ALDH7A1: variants seen among roughly 807,000 people sequenced by gnomAD.
The protein encoded by ALDH7A1 is alpha-aminoadipic semialdehyde dehydrogenase.
In ALDH7A1, 63 loss-of-function variants were observed where a neutral mutation model predicts 79.9. That is an observed-to-expected ratio of 0.79 (90% CI 0.64 to 0.97). The LOEUF (loss-of-function observed/expected upper bound fraction) is 0.97. Among genes scored for constraint, ALDH7A1 ranks in the 50% least tolerant of loss-of-function variants. The pLI is 0.00. For missense variants in ALDH7A1, 627 were observed against 665.2 expected, an observed-to-expected ratio of 0.94 and a Z score of 0.63; for synonymous variants, 240 against 231.2, an observed-to-expected ratio of 1.04 and a Z score of -0.34.
At chr5:126,553,151 A>T (rs1750062746) in intron 13 of ALDH7A1, among the ~76,000 whole-genome samples, 1 of 152,212 alleles carries the variant, frequency 6.6e-6, no homozygotes, top group African/African-American at 2.4e-5. Context: ...CTGAATACAA[A>T]GTCTCCTACT....
intron 16 of ALDH7A1, 55 bp from the exon 17 acceptor site, chr5:126,546,454 T>C (rs1271888171): frequency 3.9e-5 from 60 of 1,521,432 alleles, no homozygotes; most frequent in East Asian, 6.8e-5. Flanking sequence ...TGTGGGCTCA[T>C]AGTTGGTATC....
At chr5:126,547,315 A>G (rs1392300503) in intron 16 of ALDH7A1, among the ~76,000 whole-genome samples, 1 of 152,232 alleles carries the variant, frequency 6.6e-6, no homozygotes, top group East Asian at 1.9e-4. Flanking sequence ...CAAGGTGGGC[A>G]GGGAGGGAGT....
At chr5:126,591,464 AC>A (rs1751552190) in intron 3 of ALDH7A1, among the ~76,000 whole-genome samples, 1 of 150,662 alleles carries the variant, frequency 6.6e-6, no homozygotes, top group Non-Finnish European at 1.5e-5. Flanking sequence ...ACCCCACCCA[AC>A]CCCCCTTGCA....
At chr5:126,577,380 GTTA>G (rs1751013564) in intron 5 of ALDH7A1, among the ~76,000 whole-genome samples, 169 bp from the exon 6 acceptor site, 1 of 152,256 alleles carries the variant, frequency 6.6e-6, no homozygotes, top group South Asian at 2.1e-4. Flanking sequence ...AACAAAAGTG[GTTA>G]TTACCACACT....
intron 16 of ALDH7A1, among the ~76,000 whole-genome samples, chr5:126,547,132 C>T (rs1749810986): frequency 1.3e-5 from 2 of 152,142 alleles, no homozygotes. Flanking sequence ...CGCAGAGGCT[C>T]TAAGGAACCA....
rs550118658 is a variant in ALDH7A1, at chr5:126,589,039, T to TA, written c.312+3624dup. The TA allele has an allele frequency of 2.3e-3, 335 of 143,896 alleles. 1 individual carries two copies. The highest frequency in any genetic ancestry group is 6.8e-3 in the Middle Eastern group (2 of 292). The allele number at this position is 143,896 out of a possible 1,614,324, so 8.9% of individuals were successfully genotyped here. A position where few individuals can be genotyped will look rare whatever the true frequency, so the allele number is the denominator to read the frequency against. ...TACACTAGCCTGGGCGACTCTGTCT[T>TA]AAAAAAAAAAAAGAAGAAAAGGAAA... On this transcript the variant is annotated intron_variant, in intron 3 of 17. Transcript: ENST00000409134.
In ALDH7A1 at chr5:126,551,054, C is replaced by T. The variant is rs1330575865; in HGVS notation, c.1318-761G>A. 5.9e-5 allele frequency among the ~76,000 whole-genome samples: 9 copies of T among 152,088 alleles called. No individual in the cohort carries two copies. The East Asian group carries it at 9.7e-4, about 16-fold the overall frequency. ...AGGATCTCTTCCCACCTCAGCCTCC[C>T]GAGTAGCTAGGACTATAGGTACATA... On this transcript the variant is annotated intron_variant, in intron 14 of 17. Transcript: ENST00000409134.
chr5:126,592,197 T>C (rs13185811), intron 3 of ALDH7A1: 1 of 172,594 alleles, frequency 5.8e-6, no homozygotes, highest in Non-Finnish European at 1.2e-5. Context: ...CCTGAAGTGG[T>C]GGGATCACAA....
At chr5:126,563,241 T>G (rs1281597097) in intron 9 of ALDH7A1, among the ~76,000 whole-genome samples, 1 of 152,232 alleles carries the variant, frequency 6.6e-6, no homozygotes, top group Non-Finnish European at 1.5e-5. Flanking sequence ...CTTTCCTCTG[T>G]GCATTTATAT....
chr5:126,592,598 G>A lies in ALDH7A1; in HGVS notation c.312+66C>T, dbSNP rs1021408755. On this transcript the variant is annotated intron_variant, in intron 3 of 17. Transcript: ENST00000409134. ...ACTGACCTGCTTATCAGATGTTTAT[G>A]TATCTCATTGGTTACAATAGGCAAA... 7.4e-6 allele frequency: 11 copies of A among 1,493,836 alleles called. No individual in the cohort carries two copies. The Admixed American group carries it at 1.0e-4, about 14-fold the overall frequency. 92.5% of individuals were successfully genotyped at this position (1,493,836 alleles called of 1,614,324 possible).
intron 13 of ALDH7A1, among the ~76,000 whole-genome samples, chr5:126,553,074 T>A (rs2112757668): frequency 6.8e-6 from 1 of 146,886 alleles, no homozygotes; most frequent in South Asian, 2.1e-4. Flanking sequence ...ATGCTTATGA[T>A]ATGTATTTTT....
chr5:126,547,465 C>T (rs1480216184), intron 16 of ALDH7A1, among the ~76,000 whole-genome samples: 1 of 152,204 alleles, frequency 6.6e-6, no homozygotes, highest in Non-Finnish European at 1.5e-5. Flanking sequence ...GAGCTGGTAC[C>T]CCACTGCCCT....
intron 7 of ALDH7A1, among the ~76,000 whole-genome samples, chr5:126,573,116 C>CAAAAAAA (rs11290126): frequency 9.5e-5 from 9 of 95,196 alleles, no homozygotes; most frequent in Non-Finnish European, 1.9e-4. Context: ...CCATTTAAAG[C>CAAAAAAA]AAAAAAAAAA....
chr5:126,577,313 C>G (rs902859491), intron 5 of ALDH7A1, 102 bp from the exon 6 acceptor site: 5 of 1,476,084 alleles, frequency 3.4e-6, no homozygotes, highest in African/African-American at 1.4e-5. Context: ...ATTCCAGATG[C>G]CTTATAGTGG....
chr5:126,573,558 C>T lies in ALDH7A1; in HGVS notation c.695+1862G>A, dbSNP rs1382065300. On this transcript the variant is annotated intron_variant, in intron 7 of 17. Coordinates refer to ENST00000409134, the MANE Select transcript of ALDH7A1 (RefSeq NM_001182.5). ...ACTAAAATACAAAAAATTAGCCGGGCGTGGTGGCGCACACCTGTAGTCCCA... is the reference window on the plus strand; with the variant it reads ...ACTAAAATACAAAAAATTAGCCGGGTGTGGTGGCGCACACCTGTAGTCCCA... 4.6e-5 allele frequency among the ~76,000 whole-genome samples: 7 copies of T among 152,012 alleles called. 1 individual carries two copies. The highest frequency in any genetic ancestry group is 4.2e-4 in the South Asian group (2 of 4,810).
chr5:126,573,116 CA>C (rs11290126), intron 7 of ALDH7A1, among the ~76,000 whole-genome samples: 27,436 of 95,534 alleles, frequency 0.29, 1,770 homozygotes, highest in South Asian at 0.39. Flanking sequence ...CCATTTAAAG[CA>C]AAAAAAAAAA....
At position 126,570,998 on chromosome 5, in the gene ALDH7A1, GC is replaced by G. The variant is rs1050868107; in HGVS notation, c.696-140del. 5.0e-6 allele frequency: 4 copies of G among 803,266 alleles called. No homozygotes were observed. The African/African-American group carries it at 6.8e-5, about 14-fold the overall frequency. 49.8% of individuals were successfully genotyped at this position (803,266 alleles called of 1,614,324 possible). ...AATATACTACTCTCTTGCTTTTTCA[GC>G]CCACTTTTCAATTTCTAAGTCATTG... is the stretch of plus-strand genomic sequence containing the variant. On this transcript the variant is annotated intron_variant, in intron 7 of 17. Transcript: ENST00000409134.
chr5:126,593,492 G>A (rs1375371594), intron 1 of ALDH7A1, 88 bp from the exon 2 acceptor site: 1 of 1,572,582 alleles, frequency 6.4e-7, no homozygotes, highest in Non-Finnish European at 8.7e-7. Flanking sequence ...AAAAACAAGA[G>A]AGGAAAAAAT....
At chr5:126,546,917 C>A (rs1416067465) in intron 16 of ALDH7A1, among the ~76,000 whole-genome samples, 1 of 152,196 alleles carries the variant, frequency 6.6e-6, no homozygotes, top group Non-Finnish European at 1.5e-5. Context: ...TGGTCTTTCT[C>A]ATGAGAGGGA....
Sources: gnomAD v4.1 joint callset for allele counts (sites outside exome capture counted in the v4.1 genomes callset) on GRCh38, gnomAD v4.1.1 for gene constraint, MANE v1.5 for transcripts, NCBI Gene and HGNC (gene_info 2026-07-23, HGNC 2026-07-21) for gene names.